Variants in LZTFL1 observed in about 807,000 individuals in gnomAD.
The protein encoded by LZTFL1 is leucine zipper transcription factor-like protein 1.
Under a neutral mutation model 45.9 loss-of-function variants are expected in LZTFL1, and 25 were observed. The observed-to-expected ratio is 0.54, with a 90% CI of 0.40 to 0.76. LZTFL1 has a LOEUF of 0.76. Ranked by LOEUF, LZTFL1 falls within the 30% of genes least tolerant of loss-of-function variation. The probability of loss-of-function intolerance (pLI) is 0.00; values close to 1 mark genes in which losing one functional copy is unlikely to be tolerated. For synonymous variants in LZTFL1, 93 were observed against 117.4 expected (o/e 0.79, Z 1.35); for missense variants, 277 against 331.1 (o/e 0.84, Z 1.27).
chr3:45,913,816 T>G (rs951933608), intron 1 of LZTFL1, among the ~76,000 whole-genome samples: 1 of 152,194 alleles, frequency 6.6e-6, no homozygotes, highest in Non-Finnish European at 1.5e-5. Context: ...CCTGGATACT[T>G]TCTCCATTTC....
chr3:45,888,630 C>G (rs975550740), intron 2 of LZTFL1, among the ~76,000 whole-genome samples: 1 of 152,204 alleles, frequency 6.6e-6, no homozygotes, highest in Non-Finnish European at 1.5e-5. Flanking sequence ...ACTGCCCATC[C>G]ACTCCCGACA....
At chr3:45,866,708 G>C (rs1701582828) in intron 2 of LZTFL1, among the ~76,000 whole-genome samples, 1 of 152,200 alleles carries the variant, frequency 6.6e-6, no homozygotes, top group East Asian at 1.9e-4. Context: ...GTTGTTTAGA[G>C]TCTTTCAATA....
chr3:45,825,934 C>G lies in LZTFL1; in HGVS notation c.*380G>C, dbSNP rs527579423. On this transcript the variant is annotated 3_prime_UTR_variant, in exon 10 of 10. Coordinates refer to ENST00000296135, the MANE Select transcript of LZTFL1 (RefSeq NM_020347.4). Reference sequence around the variant, plus strand: ...TTAACAATGCTATTATTTATTTTTACCCATGGGGAATGCATAAGTACAAAC... The same window carrying G: ...TTAACAATGCTATTATTTATTTTTAGCCATGGGGAATGCATAAGTACAAAC... 5.5e-6 allele frequency: 1 copy of G among 182,814 alleles called. No individual in the cohort carries two copies. Among genetic ancestry groups the G allele is most frequent in the African/African-American group, 2.3e-5 (1 of 42,712 alleles). The allele number at this position is 182,814 out of a possible 1,614,324, so 11.3% of individuals were successfully genotyped here.
chr3:45,835,201 G>A (rs938564133), intron 3 of LZTFL1: 4 of 159,192 alleles, frequency 2.5e-5, no homozygotes, highest in African/African-American at 9.6e-5. Flanking sequence ...CAATGCTACT[G>A]GATTGAATTG....
At chr3:45,862,381 C>T (rs1178337281) in intron 2 of LZTFL1, among the ~76,000 whole-genome samples, 1 of 152,186 alleles carries the variant, frequency 6.6e-6, no homozygotes, top group Non-Finnish European at 1.5e-5. Context: ...GGCTTCCCTT[C>T]AAACAGATCT....
chr3:45,840,366 G>A (rs1376837084), intron 1 of LZTFL1, among the ~76,000 whole-genome samples: 1 of 152,162 alleles, frequency 6.6e-6, no homozygotes, highest in African/African-American at 2.4e-5. Flanking sequence ...TCATTAGAGA[G>A]GAAATGGAAT....
chr3:45,884,521 A>T (rs1259547665), intron 2 of LZTFL1, among the ~76,000 whole-genome samples: 1 of 151,986 alleles, frequency 6.6e-6, no homozygotes, highest in Non-Finnish European at 1.5e-5. Flanking sequence ...GACCACGGGG[A>T]CCCGTGCAGA....
chr3:45,862,596 G>A (rs544272867), intron 2 of LZTFL1, among the ~76,000 whole-genome samples: 1 of 152,312 alleles, frequency 6.6e-6, no homozygotes, highest in South Asian at 2.1e-4. Context: ...CGTCTGACAT[G>A]GGCTCTGACC....
At chr3:45,881,408 T>C (rs1701857664) in intron 2 of LZTFL1, among the ~76,000 whole-genome samples, 2 of 152,136 alleles carry the variant, frequency 1.3e-5, no homozygotes, top group South Asian at 4.1e-4. Context: ...TCCTGCAACA[T>C]CTCATCATTT....
chr3:45,877,192 AG>A (rs1701761450), intron 2 of LZTFL1, among the ~76,000 whole-genome samples: 1 of 152,042 alleles, frequency 6.6e-6, no homozygotes, highest in South Asian at 2.1e-4. Context: ...AGGGCTTCTC[AG>A]AACCTGTGAG....
chr3:45,888,984 C>A (rs939739778), intron 2 of LZTFL1, among the ~76,000 whole-genome samples: 2 of 152,032 alleles, frequency 1.3e-5, no homozygotes, highest in Non-Finnish European at 2.9e-5. Context: ...ATGATATATA[C>A]TATTTGTTTA....
upstream of LZTFL1, among the ~76,000 whole-genome samples, chr3:45,842,347 G>A (rs1201315953): frequency 2.0e-5 from 3 of 152,244 alleles, no homozygotes; most frequent in South Asian, 6.2e-4. Flanking sequence ...CCACCAACGC[G>A]CTTCGCGCCT....
intron 7 of LZTFL1, among the ~76,000 whole-genome samples, chr3:45,829,567 G>A (rs1015102908): frequency 1.6e-5 from 2 of 128,236 alleles, no homozygotes; most frequent in South Asian, 2.4e-4. Flanking sequence ...TTGCACCACC[G>A]CACTCCAGCA....
rs1475680495 is a variant in LZTFL1 at position 45,900,660 on chromosome 3, C to T, written c.-215+12460G>A. 1 of 712,832 alleles carries T rather than the reference C, an allele frequency of 1.4e-6. No individual in the cohort carries two copies. Among genetic ancestry groups the T allele is most frequent in the African/African-American group, 1.8e-5 (1 of 56,534 alleles). The allele number at this position is 712,832 out of a possible 1,614,324, so 44.2% of individuals were successfully genotyped here. A position where few individuals can be genotyped will look rare whatever the true frequency, so the allele number is the denominator to read the frequency against. ...TGTTGAATAAATAAATATGTCACAA[C>T]CCAAGCAGATGTCCTCAGAATGCCT... On this transcript the variant is annotated intron_variant, in intron 2 of 4. Transcript: ENST00000472635. This position sits in a 1 kb window ranked among gnomAD's most constrained non-coding sequence, Gnocchi z 4.7.
chr3:45,903,058 A>G (rs1702607532), intron 2 of LZTFL1: 1 of 167,122 alleles, frequency 6.0e-6, no homozygotes. Flanking sequence ...CTTTGAAAAT[A>G]TTTCACATAT....
At chr3:45,829,211 C>T (rs1386873938) in intron 7 of LZTFL1, among the ~76,000 whole-genome samples, 1 of 152,096 alleles carries the variant, frequency 6.6e-6, no homozygotes, top group Non-Finnish European at 1.5e-5. Flanking sequence ...CTTCTCTCTT[C>T]CTGGATCTTG....
chr3:45,845,278 G>A (rs1701201363), upstream of LZTFL1, among the ~76,000 whole-genome samples: 2 of 152,150 alleles, frequency 1.3e-5, no homozygotes, highest in South Asian at 4.1e-4. Context: ...TTTCAAAAAT[G>A]GCCTTATAAT....
At chr3:45,907,100 G>A (rs191004104) in intron 2 of LZTFL1, among the ~76,000 whole-genome samples, 3 of 152,284 alleles carry the variant, frequency 2.0e-5, no homozygotes, top group Non-Finnish European at 2.9e-5. Flanking sequence ...GCCCATGGCC[G>A]GTGGTCTGCA....
At chr3:45,860,362 G>T (rs1014996798) in intron 2 of LZTFL1, among the ~76,000 whole-genome samples, 1 of 152,080 alleles carries the variant, frequency 6.6e-6, no homozygotes, top group Non-Finnish European at 1.5e-5. Context: ...ATGTGTGTGT[G>T]TATATGTGTG....
Sources: allele counts gnomAD v4.1 joint callset (sites outside exome capture counted in the v4.1 genomes callset), GRCh38; gene constraint gnomAD v4.1.1; non-coding constraint Gnocchi (gnomAD v3.1); transcripts MANE v1.5; gene names NCBI Gene and HGNC (gene_info 2026-07-23, HGNC 2026-07-21).